The following RERE variants were observed in gnomAD, a reference collection of about 807,000 sequenced individuals.
RERE encodes the protein arginine-glutamic acid dipeptide repeats, also known as arginine-glutamic acid dipeptide repeats protein.
A neutral mutation model predicts 146.1 loss-of-function variants in RERE; 40 were observed. The observed-to-expected ratio is 0.27, with a 90% CI of 0.21 to 0.36. RERE has a LOEUF of 0.36. Among genes scored for constraint, RERE ranks in the 10% least tolerant of loss-of-function variants. RERE has a pLI of 1.00. For missense variants in RERE, 1,933 were observed against 2,138.7 expected, an observed-to-expected ratio of 0.90 and a Z score of 1.90; for synonymous variants, 1,003 against 866.0, an observed-to-expected ratio of 1.16 and a Z score of -2.78.
chr1:8,593,667 G>C (rs1291816640), intron 4 of RERE, among the ~76,000 whole-genome samples: 1 of 152,218 alleles, frequency 6.6e-6, no homozygotes. Context: ...TGGAGGACCA[G>C]TGTCCCCCAA....
In RERE at chr1:8,656,104, C is replaced by T. The variant is rs774112229; in HGVS notation, c.194G>A (p.Ser65Asn). Residue 65 changes from serine to asparagine, a missense_variant, in exon 2 of 23, where the codon AGT becomes AAT. Transcript: ENST00000400908. ...CTTCGTGGACTCCTCTGCGGTGGCA[C>T]TATTGTTGTCATTGTCCTCGTCTTC... ...HSEDEDNDNN[S>N]ATAEESTKKN... 1 of 1,614,062 alleles carries T rather than the reference C, an allele frequency of 6.2e-7. No individual in the cohort carries two copies. Among genetic ancestry groups the T allele is most frequent in the Non-Finnish European group, 8.5e-7 (1 of 1,179,992 alleles).
chr1:8,691,485 A>G (rs1187377848), intron 1 of RERE, among the ~76,000 whole-genome samples: 1 of 152,184 alleles, frequency 6.6e-6, no homozygotes, highest in African/African-American at 2.4e-5. Flanking sequence ...TGCCAAAAAT[A>G]AGAAATGCAA....
At chr1:8,726,179 G>T in intron 1 of RERE, among the ~76,000 whole-genome samples, 1 of 117,118 alleles carries the variant, frequency 8.5e-6, no homozygotes. Context: ...TTTTGAGACG[G>T]AGTCTTGCTC....
chr1:8,539,768 A>T (rs1031887608), intron 7 of RERE, among the ~76,000 whole-genome samples: 1 of 152,166 alleles, frequency 6.6e-6, no homozygotes, highest in Non-Finnish European at 1.5e-5. Flanking sequence ...CTATCCATAC[A>T]TCAAGCACTA....
intron 1 of RERE, chr1:8,753,336 A>T (rs1200158101): frequency 6.6e-6 from 1 of 152,142 alleles, no homozygotes; most frequent in Non-Finnish European, 1.5e-5. Context: ...GCATTTTTGC[A>T]ATCGTTTCTT....
At chr1:8,616,916 G>C (rs1014836741) in intron 3 of RERE, among the ~76,000 whole-genome samples, 7 of 152,182 alleles carry the variant, frequency 4.6e-5, no homozygotes, top group African/African-American at 1.7e-4. Flanking sequence ...CTGTCCACTA[G>C]AGGTTGACAT....
At chr1:8,371,266 C>CA (rs1642025038) in intron 12 of RERE, among the ~76,000 whole-genome samples, 1 of 152,150 alleles carries the variant, frequency 6.6e-6, no homozygotes, top group Admixed American at 6.5e-5. Context: ...AGGTCATATG[C>CA]AAAAAGCCTT....
chr1:8,387,517 GT>G (rs1322046180), intron 12 of RERE, among the ~76,000 whole-genome samples: 1 of 152,182 alleles, frequency 6.6e-6, no homozygotes, highest in Non-Finnish European at 1.5e-5. Context: ...ATCATAAAAA[GT>G]GTGAAAAGAT....
At chr1:8,368,959 G>C (rs964786748) in intron 12 of RERE, among the ~76,000 whole-genome samples, 1 of 152,076 alleles carries the variant, frequency 6.6e-6, no homozygotes, top group African/African-American at 2.4e-5. Context: ...CAGCTACTTG[G>C]GAGATCAAGG....
chr1:8,420,508 T>G (rs1271076153), intron 12 of RERE, among the ~76,000 whole-genome samples: 1 of 152,142 alleles, frequency 6.6e-6, no homozygotes, highest in Non-Finnish European at 1.5e-5. Flanking sequence ...GCTATGTTGA[T>G]AACTAGAGAA....
At position 8,476,532 on chromosome 1, in the gene RERE, C is replaced by CA. The variant is rs1403842502; in HGVS notation, c.1105-10510dup. Among the ~76,000 whole-genome samples the CA allele has an allele frequency of 2.0e-5, 3 of 152,030 alleles. No homozygotes were observed. In the East Asian group the frequency reaches 5.8e-4, roughly 29 times the overall value. ...AAAGACACACATGTAAACAAACTAA[C>CA]AAAAAAATCCCCATCCATGAAAACA... On this transcript the variant is annotated intron_variant, in intron 10 of 22. Coordinates refer to ENST00000400908, the MANE Select transcript of RERE (RefSeq NM_001042681.2).
intron 2 of RERE, among the ~76,000 whole-genome samples, chr1:8,635,951 TC>T (rs1306802371): frequency 0.024 from 2,057 of 87,496 alleles, 51 homozygotes; most frequent in African/African-American, 0.067. Flanking sequence ...TTTTATTTTA[TC>T]TTATCTTATC....
intron 7 of RERE, among the ~76,000 whole-genome samples, chr1:8,525,063 C>G (rs746884084): frequency 1.4e-4 from 22 of 152,066 alleles, no homozygotes; most frequent in Non-Finnish European, 2.6e-4. Context: ...TTTTAATTGC[C>G]AAAGAATTTT....
At chr1:8,586,039 T>C (rs1646423741) in intron 4 of RERE, among the ~76,000 whole-genome samples, 1 of 152,152 alleles carries the variant, frequency 6.6e-6, no homozygotes, top group Non-Finnish European at 1.5e-5. Context: ...TGGATCCAGC[T>C]ACTAATACAC....
At chr1:8,618,666 T>A (rs948588977) in intron 3 of RERE, among the ~76,000 whole-genome samples, 2 of 152,158 alleles carry the variant, frequency 1.3e-5, no homozygotes, top group African/African-American at 4.8e-5. Flanking sequence ...GTCTGATAAT[T>A]AAGTCACTGT....
chr1:8,809,059 A>G (rs1423243565), intron 1 of RERE, among the ~76,000 whole-genome samples: 1 of 150,754 alleles, frequency 6.6e-6, no homozygotes, highest in Non-Finnish European at 1.5e-5. Context: ...AATGGTGTGA[A>G]CCCGGGAGGC....
chr1:8,575,736 A>C (rs112509559), intron 4 of RERE, among the ~76,000 whole-genome samples: 1,660 of 151,872 alleles, frequency 0.011, 18 homozygotes, highest in South Asian at 0.019. Context: ...TTGTAAACCC[A>C]ATCTTAAGTG....
chr1:8,389,062 G>A (rs1444067052), intron 12 of RERE, among the ~76,000 whole-genome samples: 1 of 152,128 alleles, frequency 6.6e-6, no homozygotes, highest in Non-Finnish European at 1.5e-5. Context: ...ATTATCTTTA[G>A]GAAAGTACAG....
chr1:8,421,274 C>T (rs958925917), intron 12 of RERE, among the ~76,000 whole-genome samples: 29 of 152,110 alleles, frequency 1.9e-4, no homozygotes, highest in African/African-American at 6.8e-4. Context: ...TTCCTACACT[C>T]GGGCAAAGGC....
Sources: allele counts gnomAD v4.1 joint callset (sites outside exome capture counted in the v4.1 genomes callset), GRCh38; gene constraint gnomAD v4.1.1; transcripts MANE v1.5; gene names NCBI Gene and HGNC (gene_info 2026-07-23, HGNC 2026-07-21).